The following CSMD1 variants were observed in gnomAD, a reference collection of about 807,000 sequenced individuals.
The protein encoded by CSMD1 is CUB and sushi domain-containing protein 1.
A neutral mutation model predicts 417.5 loss-of-function variants in CSMD1; 213 were observed. The ratio of observed to expected loss-of-function variants is 0.51; its 90% CI spans 0.46 to 0.57. The LOEUF (loss-of-function observed/expected upper bound fraction) is 0.57. Ranked by LOEUF, CSMD1 falls within the 20% of genes least tolerant of loss-of-function variation. The probability of loss-of-function intolerance (pLI) is 0.00; values close to 1 mark genes in which losing one functional copy is unlikely to be tolerated. For missense variants in CSMD1, 6,923 were observed against 4,529.7 expected, an observed-to-expected ratio of 1.53 and a Z score of -15.17; for synonymous variants, 2,862 against 1,736.8, an observed-to-expected ratio of 1.65 and a Z score of -16.11.
chr8:3,686,530 A>C (rs148563439), intron 7 of CSMD1, among the ~76,000 whole-genome samples: 1 of 152,220 alleles, frequency 6.6e-6, no homozygotes, highest in African/African-American at 2.4e-5. Context: ...CATTCTGTTC[A>C]TTGAAAGCAG....
chr8:3,686,335 C>G (rs1312912228), intron 7 of CSMD1, among the ~76,000 whole-genome samples: 1 of 152,166 alleles, frequency 6.6e-6, no homozygotes, highest in African/African-American at 2.4e-5. Flanking sequence ...AGCGCCTTCA[C>G]TTCTCTACGC....
intron 5 of CSMD1, among the ~76,000 whole-genome samples, chr8:3,764,798 G>C (rs1354645168): frequency 6.8e-6 from 1 of 147,494 alleles, no homozygotes; most frequent in African/African-American, 2.5e-5. Context: ...CTAGGCTGGA[G>C]TGCAGGGGCA....
At chr8:3,355,006 A>G (rs1808687548) in intron 21 of CSMD1, among the ~76,000 whole-genome samples, 1 of 103,488 alleles carries the variant, frequency 9.7e-6, no homozygotes, top group Non-Finnish European at 2.0e-5. Flanking sequence ...TATAAATTAA[A>G]TTAAAATACA....
intron 3 of CSMD1, among the ~76,000 whole-genome samples, chr8:4,043,257 A>G (rs1797984552): frequency 6.6e-6 from 1 of 152,232 alleles, no homozygotes; most frequent in South Asian, 2.1e-4. Context: ...TTAGGCTAGC[A>G]TAGGAGATAA....
At chr8:3,728,754 G>A (rs1346380539) in intron 6 of CSMD1, among the ~76,000 whole-genome samples, 2 of 152,172 alleles carry the variant, frequency 1.3e-5, no homozygotes, top group South Asian at 2.1e-4. Context: ...TTATGGAGCT[G>A]AACTATTAAT....
chr8:4,045,324 G>C (rs577743622), intron 3 of CSMD1, among the ~76,000 whole-genome samples: 1 of 152,184 alleles, frequency 6.6e-6, no homozygotes, highest in Admixed American at 6.5e-5. Flanking sequence ...GCAGGTAAAA[G>C]GACCATCAAT....
chr8:3,390,332 G>T (rs1348877010), intron 17 of CSMD1, among the ~76,000 whole-genome samples: 1 of 140,482 alleles, frequency 7.1e-6, no homozygotes, highest in African/African-American at 2.6e-5. Context: ...TCCAGCCTGG[G>T]CGACAGAGCA....
chr8:3,307,543 G>C (rs1804970885), intron 25 of CSMD1, among the ~76,000 whole-genome samples, 152 bp downstream of exon 25: 1 of 152,222 alleles, frequency 6.6e-6, no homozygotes. Flanking sequence ...AAGTAAGCAA[G>C]TGAGCCAACA....
At chr8:3,855,834 G>C (rs1455652264) in intron 5 of CSMD1, among the ~76,000 whole-genome samples, 2 of 152,026 alleles carry the variant, frequency 1.3e-5, no homozygotes, top group Non-Finnish European at 2.9e-5. Context: ...AAACATCTTT[G>C]ATTTAGAGTT....
At chr8:4,721,947 A>C (rs187053334) in intron 1 of CSMD1, among the ~76,000 whole-genome samples, 17 of 152,340 alleles carry the variant, frequency 1.1e-4, no homozygotes, top group Middle Eastern at 3.4e-3. Flanking sequence ...AATTTATTTC[A>C]TATCTATAAT....
At chr8:3,920,831 T>A (rs189778804) in intron 5 of CSMD1, among the ~76,000 whole-genome samples, 139 of 152,286 alleles carry the variant, frequency 9.1e-4, no homozygotes, top group African/African-American at 3.2e-3. Flanking sequence ...CTCACCTGAC[T>A]GTGGTGTATG....
chr8:3,767,543 A>G lies in CSMD1; in HGVS notation c.819-13501T>C, dbSNP rs529095528. 1.2e-4 allele frequency among the ~76,000 whole-genome samples: 18 copies of G among 152,330 alleles called. No individual in the cohort carries two copies. In the South Asian group the frequency reaches 1.7e-3, roughly 14 times the overall value. On this transcript the variant is annotated intron_variant, in intron 5 of 69. Transcript: ENST00000635120. ...TATGCTCTGATCCTCACTTTATCCCATAACATCCAAAGCTGATTGCTGACC... is the reference window on the plus strand; with the variant it reads ...TATGCTCTGATCCTCACTTTATCCCGTAACATCCAAAGCTGATTGCTGACC...
intron 3 of CSMD1, among the ~76,000 whole-genome samples, chr8:4,046,796 G>C (rs1563360962): frequency 6.6e-6 from 1 of 152,162 alleles, no homozygotes; most frequent in African/African-American, 2.4e-5. Flanking sequence ...TGGGGAGCAA[G>C]TGAACTAACA....
At chr8:3,223,215 T>G (rs1435892378) in intron 28 of CSMD1, among the ~76,000 whole-genome samples, 1 of 152,184 alleles carries the variant, frequency 6.6e-6, no homozygotes, top group Non-Finnish European at 1.5e-5. Flanking sequence ...CAAGTACAAG[T>G]TAGCATATTT....
intron 3 of CSMD1, among the ~76,000 whole-genome samples, chr8:4,115,608 T>C (rs1802092681): frequency 6.6e-6 from 1 of 152,184 alleles, no homozygotes; most frequent in Non-Finnish European, 1.5e-5. Context: ...AATAAATATA[T>C]ACGTGATCAA....
chr8:3,432,629 C>T (rs976737194), intron 12 of CSMD1, among the ~76,000 whole-genome samples: 1 of 150,774 alleles, frequency 6.6e-6, no homozygotes, highest in African/African-American at 2.4e-5. Flanking sequence ...GATTCTCCTG[C>T]CTCAGCTTCC....
At chr8:4,134,127 T>G (rs1451211888) in intron 3 of CSMD1, among the ~76,000 whole-genome samples, 2 of 152,206 alleles carry the variant, frequency 1.3e-5, no homozygotes, top group Admixed American at 6.5e-5. Flanking sequence ...ATATCAAATT[T>G]TCTTTTATGA....
intron 5 of CSMD1, among the ~76,000 whole-genome samples, chr8:3,917,084 G>C (rs978558811): frequency 5.9e-5 from 9 of 152,026 alleles, no homozygotes; most frequent in Non-Finnish European, 1.3e-4. Flanking sequence ...AAGACACCAG[G>C]CATTTATTCA....
intron 5 of CSMD1, among the ~76,000 whole-genome samples, chr8:3,810,631 C>T (rs1404984265): frequency 6.6e-6 from 1 of 152,114 alleles, no homozygotes; most frequent in Admixed American, 6.5e-5. Flanking sequence ...TATTGGGGGA[C>T]TGGAGTCTTT....
Sources: allele counts gnomAD v4.1 joint callset (sites outside exome capture counted in the v4.1 genomes callset), GRCh38; gene constraint gnomAD v4.1.1; transcripts MANE v1.5; gene names NCBI Gene and HGNC (gene_info 2026-07-23, HGNC 2026-07-21).